The following DIDO1 variants were observed in gnomAD, a reference collection of about 807,000 sequenced individuals.
DIDO1 encodes death-inducer obliterator 1.
DIDO1 carries 16 observed loss-of-function variants against 99.4 expected under a neutral mutation model. The observed-to-expected ratio is 0.16, with a 90% CI of 0.11 to 0.24. The LOEUF is 0.24. Ranked by LOEUF, DIDO1 falls within the 10% of genes least tolerant of loss-of-function variation. DIDO1 has a pLI of 1.00. For synonymous variants in DIDO1, 1,366 were observed against 1,239.1 expected (o/e 1.10, Z -2.15); for missense variants, 2,996 against 3,014.0 (o/e 0.99, Z 0.14).
chr20:62,937,604 G>C (rs1187585392), intron 1 of DIDO1, among the ~76,000 whole-genome samples: 1 of 152,196 alleles, frequency 6.6e-6, no homozygotes, highest in African/African-American at 2.4e-5. Context: ...TCAACGCGCA[G>C]ACAGCACAGC....
chr20:62,932,549 C>T (rs1213140650), intron 1 of DIDO1, among the ~76,000 whole-genome samples: 1 of 152,130 alleles, frequency 6.6e-6, no homozygotes, highest in East Asian at 1.9e-4. Context: ...AGTACATAAA[C>T]AATGCTTTGA....
chr20:62,935,664 T>C (rs956325782), intron 1 of DIDO1, among the ~76,000 whole-genome samples: 11 of 152,204 alleles, frequency 7.2e-5, no homozygotes, highest in Non-Finnish European at 1.5e-4. Flanking sequence ...CTGGGATGGC[T>C]GGAGCAGAGA....
chr20:62,903,771 T>C (rs1178887766), intron 6 of DIDO1, among the ~76,000 whole-genome samples: 3 of 152,206 alleles, frequency 2.0e-5, no homozygotes, highest in Non-Finnish European at 4.4e-5. Flanking sequence ...CTTGAGGTGA[T>C]GTGTTGGGAA....
intron 6 of DIDO1, chr20:62,905,534 G>A (rs1053796271): frequency 9.7e-6 from 15 of 1,550,942 alleles, no homozygotes; most frequent in Non-Finnish European, 1.0e-5. Flanking sequence ...AGGGGTGGAT[G>A]TGGCGTGCCG....
chr20:62,885,087 T>C (rs977504163), intron 15 of DIDO1, among the ~76,000 whole-genome samples: 6 of 152,262 alleles, frequency 3.9e-5, no homozygotes, highest in African/African-American at 1.4e-4. Context: ...AAATTGGCTA[T>C]TATGGCCTTC....
chr20:62,911,544 G>A lies in DIDO1; in HGVS notation c.69C>T (p.Phe23=), dbSNP rs377572347. The A allele has an allele frequency of 1.4e-5, 22 of 1,611,866 alleles. No individual in the cohort carries two copies. In the African/African-American group the frequency reaches 2.4e-4, roughly 18 times the overall value. ...PKAIKPTSKE[F]RKTWGFRRTT... is the part of the protein sequence containing the mutation. ...TCCTTCGAAAACCCCATGTTTTCCT[G>A]AACTCTTTGCTGGTGGGTTTGATGG... The change falls in exon 3 of 16, where the codon TTC becomes TTT. Residue 23 remains phenylalanine, a synonymous_variant. Coordinates refer to ENST00000395343, the MANE Select transcript of DIDO1 (RefSeq NM_001193369.2). This position sits in a 1 kb window ranked among gnomAD's most constrained non-coding sequence, Gnocchi z 7.0.
intron 1 of DIDO1, among the ~76,000 whole-genome samples, chr20:62,933,102 C>T (rs1341585155): frequency 4.6e-5 from 7 of 152,206 alleles, no homozygotes; most frequent in Non-Finnish European, 1.0e-4. Flanking sequence ...ATCCCAGTTA[C>T]TCAGGAGGCT....
rs777807163 is a variant in DIDO1, at chr20:62,905,354, CCT to C, written c.1588+531_1588+532del. 1.5e-5 allele frequency: 22 copies of C among 1,437,518 alleles called. No individual in the cohort carries two copies. The Admixed American group carries it at 6.3e-4, about 41-fold the overall frequency. The allele number at this position is 1,437,518 out of a possible 1,614,324, so 89.0% of individuals were successfully genotyped here. On this transcript the variant is annotated intron_variant, in intron 6 of 15. Transcript: ENST00000395343. ...ATCGGACATGGAAAAAAAAAAATCC[CCT>C]ATCTGCCCAGTCAAAAATAAATGTA... is the stretch of plus-strand genomic sequence containing the variant.
At position 62,910,817 on chromosome 20, in the gene DIDO1, G is replaced by A. The variant is rs759238116; in HGVS notation, c.796C>T (p.Pro266Ser). ...CGGCAAATGCAATACAGGGCGTTGGGGTCGTAACCCTCACATTCAGGCTTC... is the reference window on the plus strand; with the variant it reads ...CGGCAAATGCAATACAGGGCGTTGGAGTCGTAACCCTCACATTCAGGCTTC... ...RPKPECEGYDPNALYCICRQP... is the reference protein window; with the variant it reads ...RPKPECEGYDSNALYCICRQP... The change falls in exon 3 of 16, where the codon CCC becomes TCC. Residue 266 changes from proline to serine, a missense_variant. By Grantham distance (74) the Pro-to-Ser change is moderately conservative (BLOSUM62 -1). This residue lies in a region of DIDO1 where 388 missense variants were observed against 376.6 expected (regional missense o/e 1.03). Transcript: ENST00000395343. 2 of 1,614,188 alleles carry A rather than the reference G, an allele frequency of 1.2e-6. No individual in the cohort carries two copies. The highest frequency in any genetic ancestry group is 2.2e-5 in the South Asian group (2 of 91,086).
At chr20:62,928,271 C>A (rs1023325713), upstream of DIDO1, among the ~76,000 whole-genome samples, 3 of 152,042 alleles carry the variant, frequency 2.0e-5, no homozygotes, top group Non-Finnish European at 4.4e-5. Context: ...GGCTCAGGGA[C>A]AAGAGAACCA....
chr20:62,879,112 A>C lies in DIDO1; in HGVS notation c.*121T>G, dbSNP rs1335854399. On this transcript the variant is annotated 3_prime_UTR_variant, in exon 16 of 16. Transcript: ENST00000395343. This position sits in a 1 kb window ranked among gnomAD's most constrained non-coding sequence, Gnocchi z 6.3. The stretch of plus-strand genomic sequence containing the variant: ...TAAGAAACCATTTACACAAAATTAC[A>C]GTAATGTTTAAGTCCAGAATATTCT... The C allele has an allele frequency of 4.7e-6, 4 of 856,938 alleles. No homozygotes were observed. The highest frequency in any genetic ancestry group is 6.5e-6 in the Non-Finnish European group (4 of 612,884). The allele number at this position is 856,938 out of a possible 1,614,324, so 53.1% of individuals were successfully genotyped here. A position where few individuals can be genotyped will look rare whatever the true frequency, so the allele number is the denominator to read the frequency against.
In DIDO1 at chr20:62,893,677, T is replaced by A. The variant is rs2064448624; in HGVS notation, c.3090A>T (p.Ser1030=). 1 of 1,599,768 alleles carries A rather than the reference T, an allele frequency of 6.3e-7. No homozygotes were observed. The highest frequency in any genetic ancestry group is 2.2e-5 in the East Asian group (1 of 44,460). The change falls in exon 12 of 16, where the codon TCA becomes TCT. Residue 1030 remains serine (S), a synonymous_variant. Transcript: ENST00000395343. ...CCTGAAGTACGCACCTGATATTTGG[T>A]GACGGAGGAACTGACAGGTATCTTG... ...PDPRYLSVPP[S]PNISTSESRS... is the part of the protein sequence containing the mutation.
rs1380465190 is a variant in DIDO1, at chr20:62,910,764, C to A, written c.839+10G>T. ...CCTGGGATTTCTGTGGGTGCCCACA[C>A]ATGACCCACCTGTTGTTGTGAGGCT... On this transcript the variant is annotated intron_variant, in intron 3 of 15. Transcript: ENST00000395343. 8 of 1,604,574 alleles carry A rather than the reference C, an allele frequency of 5.0e-6. No homozygotes were observed. Among genetic ancestry groups the A allele is most frequent in the Non-Finnish European group, 6.8e-6 (8 of 1,172,524 alleles).
intron 15 of DIDO1, among the ~76,000 whole-genome samples, chr20:62,883,203 C>T (rs570704943): frequency 1.8e-3 from 278 of 151,854 alleles, no homozygotes; most frequent in Non-Finnish European, 2.5e-3. Context: ...GGATTACAGG[C>T]GTAAGCCACC....
rs1568868394 is a variant in DIDO1, at chr20:62,910,032, A to G, written c.840-12T>C. 1.9e-6 allele frequency: 3 copies of G among 1,598,278 alleles called. No homozygotes were observed. On this transcript the variant is annotated splice_polypyrimidine_tract_variant and intron_variant, in intron 3 of 15. Coordinates refer to ENST00000395343, the MANE Select transcript of DIDO1 (RefSeq NM_001193369.2). ...AGCAAATCATAAACCTGAAATTATA[A>G]AATAACGGTATTAGCAATGGGACGT...
Position 62,882,296 on chromosome 20 carries a change from C to T in DIDO1, c.3660G>A (p.Pro1220=), listed in dbSNP as rs1390135897. 40 of 1,613,900 alleles carry T rather than the reference C, an allele frequency of 2.5e-5. No homozygotes were observed. The highest frequency in any genetic ancestry group is 3.1e-5 in the Non-Finnish European group (36 of 1,180,036). The change falls in exon 16 of 16, where the codon CCG becomes CCA. Residue 1220 remains proline (P), a synonymous_variant. Transcript: ENST00000395343. Reference sequence around the variant, plus strand: ...GATAGGCCGGAACGTCCGCTTCTTCCGGTTGAAGTCGGGTCCGCTTTTCGT... The same window carrying T: ...GATAGGCCGGAACGTCCGCTTCTTCTGGTTGAAGTCGGGTCCGCTTTTCGT... ...KMDEKRTRLQ[P]EEADVPAYPK... is the part of the protein sequence containing the mutation.
At position 62,894,765 on chromosome 20, in the gene DIDO1, G is replaced by C. The variant is rs1394480530; in HGVS notation, c.2436+45C>G. On this transcript the variant is annotated intron_variant, in intron 10 of 15. Coordinates refer to ENST00000395343, the MANE Select transcript of DIDO1 (RefSeq NM_001193369.2). This position sits in a 1 kb window ranked among gnomAD's most constrained non-coding sequence, Gnocchi z 4.4. ...AAGATAACCTCAAAACATTTGGGAT[G>C]GATTAGTCTATTCTCGGTGAACACA... 1 of 1,567,362 alleles carries C rather than the reference G, an allele frequency of 6.4e-7. No homozygotes were observed. The highest frequency in any genetic ancestry group is 1.1e-5 in the South Asian group (1 of 88,744).
chr20:62,901,364 GTGGACAGA>G (rs1568855553), intron 6 of DIDO1, among the ~76,000 whole-genome samples: 1 of 152,194 alleles, frequency 6.6e-6, no homozygotes, highest in East Asian at 1.9e-4. Context: ...TGAGGGCCAC[GTGGACAGA>G]TGGACGTTCC....
At chr20:62,900,677 AAAAT>A (rs1451462580) in intron 6 of DIDO1, among the ~76,000 whole-genome samples, 1 of 152,210 alleles carries the variant, frequency 6.6e-6, no homozygotes, top group Non-Finnish European at 1.5e-5. Flanking sequence ...AAAAATCACT[AAAAT>A]AAACACCACA....
Sources: allele counts gnomAD v4.1 joint callset (sites outside exome capture counted in the v4.1 genomes callset), GRCh38; gene constraint gnomAD v4.1.1; regional missense constraint gnomAD v4.1.1; non-coding constraint Gnocchi (gnomAD v3.1); transcripts MANE v1.5; gene names NCBI Gene and HGNC (gene_info 2026-07-23, HGNC 2026-07-21).